The following GATAD2A variants were observed in gnomAD, a reference collection of about 807,000 sequenced individuals.
GATAD2A encodes GATA zinc finger domain containing 2A, also known as transcriptional repressor p66-alpha.
Under a neutral mutation model 68.5 loss-of-function variants are expected in GATAD2A, and 12 were observed. The observed-to-expected ratio is 0.18, with a 90% CI of 0.11 to 0.28. The LOEUF (loss-of-function observed/expected upper bound fraction) is 0.28. Ranked by LOEUF, GATAD2A falls within the 10% of genes least tolerant of loss-of-function variation. The pLI is 1.00. For synonymous variants in GATAD2A, 410 were observed against 375.3 expected, an observed-to-expected ratio of 1.09 and a Z score of -1.07; for missense variants, 755 against 868.5, an observed-to-expected ratio of 0.87 and a Z score of 1.64.
chr19:19,425,036 A>G (rs1252743371), intron 1 of GATAD2A, among the ~76,000 whole-genome samples: 1 of 151,866 alleles, frequency 6.6e-6, no homozygotes, highest in African/African-American at 2.4e-5. Flanking sequence ...GCTTGAGGCC[A>G]AGAGTTCAAG....
intron 11 of GATAD2A, among the ~76,000 whole-genome samples, chr19:19,503,122 G>T (rs1446834750): frequency 6.6e-6 from 1 of 152,218 alleles, no homozygotes; most frequent in Non-Finnish European, 1.5e-5. Flanking sequence ...GGTCCCGATG[G>T]CCTGTTTATT....
In GATAD2A at chr19:19,492,591, C is replaced by T. The variant is rs770177874; in HGVS notation, c.413C>T (p.Pro138Leu). Reference sequence around the variant, plus strand: ...CTCTCGCCCCTGCAGAAAAGCAGTCCTGAAGAACGAGAAAGGATGATCAAG... The same window carrying T: ...CTCTCGCCCCTGCAGAAAAGCAGTCTTGAAGAACGAGAAAGGATGATCAAG... ...TSTEALMKSS[P>L]EERERMIKQL... The change falls in exon 4 of 12, where the codon CCT becomes CTT. Residue 138 changes from proline to leucine, a missense_variant. Pro to Leu is a moderately conservative substitution (Grantham distance 98, BLOSUM62 -3). Transcript: ENST00000683918. 6.2e-7 allele frequency: 1 copy of T among 1,614,190 alleles called. No individual in the cohort carries two copies. The highest frequency in any genetic ancestry group is 8.5e-7 in the Non-Finnish European group (1 of 1,180,024).
chr19:19,440,882 T>C (rs2054943002), intron 1 of GATAD2A, among the ~76,000 whole-genome samples: 1 of 152,036 alleles, frequency 6.6e-6, no homozygotes, highest in African/African-American at 2.4e-5. Flanking sequence ...GGTAAACAAA[T>C]TTATTTCCTT....
chr19:19,498,327 C>T (rs1426976474), intron 7 of GATAD2A, 116 bp from the exon 8 acceptor site: 2 of 913,256 alleles, frequency 2.2e-6, no homozygotes, highest in South Asian at 1.7e-5. Context: ...GTTAAGGACG[C>T]CATCGTCAAG....
intron 1 of GATAD2A, among the ~76,000 whole-genome samples, chr19:19,410,691 G>A (rs1256551323): frequency 6.6e-6 from 1 of 152,176 alleles, no homozygotes; most frequent in South Asian, 2.1e-4. Flanking sequence ...GAGTCTAGGG[G>A]GCACCTGCTT....
chr19:19,407,899 A>G (rs1346187811), intron 1 of GATAD2A, among the ~76,000 whole-genome samples: 2 of 152,096 alleles, frequency 1.3e-5, no homozygotes, highest in Non-Finnish European at 2.9e-5. Flanking sequence ...TTCATCTTTC[A>G]GTTCTTATTT....
In GATAD2A at chr19:19,501,981, C is replaced by G. The variant is rs773703939; in HGVS notation, c.1516C>G (p.Arg506Gly). 1 of 1,613,870 alleles carries G rather than the reference C, an allele frequency of 6.2e-7. No individual in the cohort carries two copies. Among genetic ancestry groups the G allele is most frequent in the Admixed American group, 1.7e-5 (1 of 60,022 alleles). The change falls in exon 10 of 12, where the codon CGG (arginine) becomes GGG (glycine). Residue 506 changes from arginine to glycine, a missense_variant. Transcript: ENST00000683918. The part of the protein sequence containing the change: ...HPVLKQVIKP[R>G]RKLAFRSGEA... ...CCCGTTTGTGTAGGTCATAAAACCC[C>G]GGCGTAAGTTGGCGTTCCGCTCAGG...
At chr19:19,473,066 C>T (rs867837370) in intron 2 of GATAD2A, among the ~76,000 whole-genome samples, 5 of 152,156 alleles carry the variant, frequency 3.3e-5, no homozygotes, top group Non-Finnish European at 7.3e-5. Context: ...CTGTGGCTTC[C>T]GTGGTCCATG....
chr19:19,501,862 C>A (rs2060547666), intron 9 of GATAD2A, 107 bp from the exon 10 acceptor site: 1 of 779,256 alleles, frequency 1.3e-6, no homozygotes, highest in South Asian at 1.7e-5. Flanking sequence ...CCCCACTTGG[C>A]GCCTAAAGTC....
intron 1 of GATAD2A, among the ~76,000 whole-genome samples, chr19:19,406,774 T>C (rs1016432154): frequency 2.6e-5 from 4 of 152,170 alleles, no homozygotes; most frequent in Non-Finnish European, 5.9e-5. Flanking sequence ...AGGAAAGGCT[T>C]ATGGGCAGGG....
At chr19:19,443,309 A>T (rs1439066868) in intron 1 of GATAD2A, among the ~76,000 whole-genome samples, 1 of 152,144 alleles carries the variant, frequency 6.6e-6, no homozygotes, top group Non-Finnish European at 1.5e-5. Flanking sequence ...GGTCTAGTTC[A>T]TGAGAAATTG....
chr19:19,417,413 C>G (rs148409289), intron 1 of GATAD2A, among the ~76,000 whole-genome samples: 1 of 152,300 alleles, frequency 6.6e-6, no homozygotes, highest in African/African-American at 2.4e-5. Context: ...ACCCACTATT[C>G]TGAGAAGAGA....
At chr19:19,502,190 A>T in intron 10 of GATAD2A, 141 bp from the exon 11 acceptor site, 1 of 861,090 alleles carries the variant, frequency 1.2e-6, no homozygotes, top group Non-Finnish European at 1.8e-6. Flanking sequence ...TGTGTAACTT[A>T]CCTGGTCTCC....
chr19:19,454,566 C>A (rs1387589674), intron 1 of GATAD2A, among the ~76,000 whole-genome samples: 3 of 151,516 alleles, frequency 2.0e-5, no homozygotes, highest in Admixed American at 6.6e-5. Flanking sequence ...GACATTGCCC[C>A]CAGCCTGGGT....
chr19:19,499,233 G>A (rs897513369), intron 8 of GATAD2A, among the ~76,000 whole-genome samples: 4 of 152,232 alleles, frequency 2.6e-5, no homozygotes, highest in African/African-American at 9.6e-5. Context: ...ACATCTACGG[G>A]GTGATCACAG....
chr19:19,422,180 T>C (rs1310987169), intron 1 of GATAD2A, among the ~76,000 whole-genome samples: 2 of 152,212 alleles, frequency 1.3e-5, no homozygotes, highest in Non-Finnish European at 2.9e-5. Context: ...CTTTATAACA[T>C]ATCAGCATTT....
In GATAD2A at chr19:19,465,735, G is replaced by A. The variant is rs942412709; in HGVS notation, c.269+121G>A. On this transcript the variant is annotated intron_variant, in intron 2 of 11. Coordinates refer to ENST00000683918, the MANE Select transcript of GATAD2A (RefSeq NM_001384528.1). Reference sequence around the variant, plus strand: ...GCTTGGCGGGGTTGTGGAGAGGGCTGTAGGCTCAGCTCGGGCATCACCCAC... The same window carrying A: ...GCTTGGCGGGGTTGTGGAGAGGGCTATAGGCTCAGCTCGGGCATCACCCAC... The A allele has an allele frequency of 1.8e-5, 21 of 1,190,958 alleles. No individual in the cohort carries two copies. In the African/African-American group the frequency reaches 2.7e-4, roughly 16 times the overall value. 73.8% of individuals were successfully genotyped at this position (1,190,958 alleles called of 1,614,324 possible).
intron 1 of GATAD2A, among the ~76,000 whole-genome samples, chr19:19,437,437 A>G (rs2965182): frequency 0.43 from 66,048 of 152,076 alleles, 15,702 homozygotes; most frequent in African/African-American, 0.63. Context: ...ATTTTTTGAG[A>G]TATAATTTGC....
At chr19:19,417,402 C>A (rs1021290543) in intron 1 of GATAD2A, among the ~76,000 whole-genome samples, 1 of 152,190 alleles carries the variant, frequency 6.6e-6, no homozygotes, top group Non-Finnish European at 1.5e-5. Context: ...ATTACCCCCC[C>A]ACCCACTATT....
Sources: gnomAD v4.1 joint callset for allele counts (sites outside exome capture counted in the v4.1 genomes callset) on GRCh38, gnomAD v4.1.1 for gene constraint, MANE v1.5 for transcripts, NCBI Gene and HGNC (gene_info 2026-07-23, HGNC 2026-07-21) for gene names.